ACSS2: variants seen among roughly 807,000 people sequenced by gnomAD.
ACSS2 encodes the protein acetyl-coenzyme A synthetase, cytoplasmic.
Under a neutral mutation model 90.6 loss-of-function variants are expected in ACSS2, and 58 were observed. That is an observed-to-expected ratio of 0.64 (90% CI 0.52 to 0.80). The LOEUF is 0.80. Among genes scored for constraint, ACSS2 ranks in the 30% least tolerant of loss-of-function variants. ACSS2 has a pLI of 0.00. For missense variants in ACSS2, 759 were observed against 912.0 expected (o/e 0.83, Z 2.16); for synonymous variants, 300 against 330.9 (o/e 0.91, Z 1.01).
At chr20:34,922,518 C>G (rs1181128629) in intron 13 of ACSS2, among the ~76,000 whole-genome samples, 1 of 152,186 alleles carries the variant, frequency 6.6e-6, no homozygotes, top group Non-Finnish European at 1.5e-5. Flanking sequence ...ACAGGAGAAT[C>G]ACTTGAACCG....
Position 34,926,170 on chromosome 20 carries a change from G to C in ACSS2, c.1792G>C (p.Ala598Pro). ...LVEHEAVAEA[A>P]VVGHPHPVKG... is the part of the protein sequence containing the mutation. ...GGAACATGAGGCTGTTGCAGAGGCAGCTGTGGTGGGCCACCCTCATCCTGT... is the reference window on the plus strand; with the variant it reads ...GGAACATGAGGCTGTTGCAGAGGCACCTGTGGTGGGCCACCCTCATCCTGT... The change falls in exon 16 of 18, where the codon GCT becomes CCT. Residue 598 changes from alanine to proline, a missense_variant. By Grantham distance (27) the Ala-to-Pro change is conservative. Transcript: ENST00000360596. The C allele has an allele frequency of 6.2e-7, 1 of 1,614,220 alleles. No homozygotes were observed. The highest frequency in any genetic ancestry group is 8.5e-7 in the Non-Finnish European group (1 of 1,180,040).
intron 2 of ACSS2, among the ~76,000 whole-genome samples, chr20:34,907,110 A>T (rs918075024): frequency 6.6e-6 from 1 of 151,450 alleles, no homozygotes; most frequent in African/African-American, 2.4e-5. Flanking sequence ...TCATGAAAAA[A>T]ATAAAACAGA....
At chr20:34,911,315 G>A (rs963135758) in intron 2 of ACSS2, among the ~76,000 whole-genome samples, 1 of 151,710 alleles carries the variant, frequency 6.6e-6, no homozygotes, top group South Asian at 2.1e-4. Flanking sequence ...AGCCTCCCGA[G>A]TAGCTGGCAT....
intron 2 of ACSS2, among the ~76,000 whole-genome samples, chr20:34,898,357 A>T (rs2080520251): frequency 1.3e-5 from 2 of 152,186 alleles, no homozygotes; most frequent in Non-Finnish European, 2.9e-5. Context: ...TCCCTGAGCT[A>T]GACACAAAGG....
Position 34,921,427 on chromosome 20 carries a change from T to C in ACSS2, c.1375T>C (p.Cys459Arg). The C allele has an allele frequency of 6.2e-7, 1 of 1,614,172 alleles. No individual in the cohort carries two copies. Among genetic ancestry groups the C allele is most frequent in the Non-Finnish European group, 8.5e-7 (1 of 1,180,018 alleles). Residue 459 changes from cysteine to arginine, a missense_variant, in exon 11 of 18, where the codon TGC becomes CGC. By Grantham distance (180) the Cys-to-Arg change is radical. Transcript: ENST00000360596. ...WYHRVVGAQRCPIVDTFWQTE... is the reference protein window; with the variant it reads ...WYHRVVGAQRRPIVDTFWQTE... ...CCACCGGGTGGTAGGTGCCCAGCGC[T>C]GCCCCATCGTGGACACCTTCTGGCA...
In ACSS2 at chr20:34,919,629, G is replaced by T. The variant is rs572456167; in HGVS notation, c.972+57G>T. 1.7e-4 allele frequency: 260 copies of T among 1,520,144 alleles called. 3 individuals carry two copies. In the South Asian group the frequency reaches 2.9e-3, roughly 17 times the overall value. The allele number at this position is 1,520,144 out of a possible 1,614,324, so 94.2% of individuals were successfully genotyped here. On this transcript the variant is annotated intron_variant, in intron 8 of 17. Transcript: ENST00000360596. ...TGTGTGTGTGTGTGTGTATTATGTA[G>T]GGGTAAGAAGTAAGTTTCTGAGGAA...
intron 2 of ACSS2, among the ~76,000 whole-genome samples, chr20:34,902,891 ATTTTTTTTT>A (rs34171408): frequency 8.7e-6 from 1 of 115,310 alleles, no homozygotes; most frequent in African/African-American, 3.3e-5. Flanking sequence ...ACACCTGGCT[ATTTTTTTTT>A]TTTTTTTTTT....
chr20:34,923,742 C>G (rs1046538770), intron 14 of ACSS2, among the ~76,000 whole-genome samples: 7 of 152,038 alleles, frequency 4.6e-5, no homozygotes, highest in African/African-American at 7.2e-5. Context: ...ACAACCAGAT[C>G]TTACATGAAC....
At chr20:34,921,235 G>T in intron 10 of ACSS2, 95 bp from the exon 11 acceptor site, 2 of 1,606,630 alleles carry the variant, frequency 1.2e-6, no homozygotes, top group South Asian at 1.1e-5. Context: ...CCAACTCTCT[G>T]ACCTGGAATA....
intron 1 of ACSS2, among the ~76,000 whole-genome samples, chr20:34,880,003 T>C (rs572670389): frequency 4.5e-4 from 68 of 152,332 alleles, no homozygotes; most frequent in Non-Finnish European, 5.9e-5. Context: ...CAGTCCCTGA[T>C]ACATGAATGG....
At chr20:34,915,107 G>A (rs1331536247) in intron 7 of ACSS2, 2 of 1,157,340 alleles carry the variant, frequency 1.7e-6, no homozygotes, top group Non-Finnish European at 2.6e-6. Flanking sequence ...ATGGAAGCTG[G>A]GAGGACCAGT....
chr20:34,896,597 T>C (rs2080466382), intron 2 of ACSS2, among the ~76,000 whole-genome samples: 1 of 152,244 alleles, frequency 6.6e-6, no homozygotes, highest in South Asian at 2.1e-4. Flanking sequence ...TATTAAGTGC[T>C]CACTGTGTAT....
intron 2 of ACSS2, among the ~76,000 whole-genome samples, chr20:34,893,370 T>C (rs2080383347): frequency 6.6e-6 from 1 of 151,672 alleles, no homozygotes; most frequent in African/African-American, 2.4e-5. Context: ...ATCAGCGAAT[T>C]TTATTTTTAT....
intron 1 of ACSS2, among the ~76,000 whole-genome samples, chr20:34,882,420 G>A (rs2080088887): frequency 6.6e-6 from 1 of 152,034 alleles, no homozygotes; most frequent in Admixed American, 6.5e-5. Flanking sequence ...TCAGGAGTTC[G>A]AGACCAGCCT....
chr20:34,917,969 T>TCA (rs2081111398), intron 7 of ACSS2, among the ~76,000 whole-genome samples: 1 of 152,130 alleles, frequency 6.6e-6, no homozygotes, highest in African/African-American at 2.4e-5. Context: ...GCCAGGCTGG[T>TCA]CTTGAACTCA....
At position 34,921,155 on chromosome 20, in the gene ACSS2, A is replaced by C. The variant is rs747238217; in HGVS notation, c.1277+16A>C. ...CTGTCACCAAGTGAGACCTCTTCCC[A>C]GTTGCTGCCCTGTGGGTATCCCTCA... On this transcript the variant is annotated intron_variant, in intron 10 of 17. Transcript: ENST00000360596. 4 of 1,614,118 alleles carry C rather than the reference A, an allele frequency of 2.5e-6. No individual in the cohort carries two copies. The highest frequency in any genetic ancestry group is 1.7e-4 in the Middle Eastern group (1 of 6,058).
At position 34,921,348 on chromosome 20, in the gene ACSS2, G is replaced by C. The variant is rs1460702309; in HGVS notation, c.1296G>C (p.Leu432Phe). 2.5e-6 allele frequency: 4 copies of C among 1,614,174 alleles called. No homozygotes were observed. In the Admixed American group the frequency reaches 6.7e-5, roughly 27 times the overall value. The change falls in exon 11 of 18, where the codon TTG (leucine) becomes TTC (phenylalanine). Residue 432 changes from leucine (L) to phenylalanine (F), a missense_variant. Coordinates refer to ENST00000360596, the MANE Select transcript of ACSS2 (RefSeq NM_018677.4). The part of the protein sequence containing the change: ...EPVTKHSRAS[L>F]QVLGTVGEPI... ...GCCCCAGGCATAGCCGGGCATCCTT[G>C]CAGGTGTTAGGCACAGTGGGTGAAC...
intron 1 of ACSS2, among the ~76,000 whole-genome samples, chr20:34,878,998 G>A (rs1180525488): frequency 6.9e-6 from 1 of 145,344 alleles, no homozygotes; most frequent in African/African-American, 2.5e-5. Flanking sequence ...TCCGCCTCCC[G>A]GGTTCACGCC....
At chr20:34,907,500 A>G (rs2080838430) in intron 2 of ACSS2, among the ~76,000 whole-genome samples, 5 of 152,226 alleles carry the variant, frequency 3.3e-5, no homozygotes. Context: ...GCAGATACAG[A>G]TAAGTCCATG....
Sources: gnomAD v4.1 joint callset for allele counts (sites outside exome capture counted in the v4.1 genomes callset) on GRCh38, gnomAD v4.1.1 for gene constraint, MANE v1.5 for transcripts, NCBI Gene and HGNC (gene_info 2026-07-23, HGNC 2026-07-21) for gene names.